Variants in SBF2 observed in about 807,000 individuals in gnomAD.
SBF2 encodes myotubularin-related protein 13.
SBF2 carries 112 observed loss-of-function variants against 225.2 expected under a neutral mutation model. The ratio of observed to expected loss-of-function variants is 0.50; its 90% CI spans 0.43 to 0.58. The LOEUF is 0.58. Among genes scored for constraint, SBF2 ranks in the 20% least tolerant of loss-of-function variants. SBF2 has a pLI of 0.00. For missense variants in SBF2, 1,996 were observed against 2,206.2 expected (o/e 0.90, Z 1.91); for synonymous variants, 763 against 773.3 (o/e 0.99, Z 0.22).
At chr11:9,811,985 C>A (rs2058698524) in intron 30 of SBF2, among the ~76,000 whole-genome samples, 2 of 151,654 alleles carry the variant, frequency 1.3e-5, no homozygotes, top group South Asian at 4.2e-4. Context: ...AATAAAAGTT[C>A]AATTAAGAAT....
chr11:10,072,757 G>T (rs7931957), intron 2 of SBF2, among the ~76,000 whole-genome samples: 1 of 145,680 alleles, frequency 6.9e-6, no homozygotes, highest in African/African-American at 2.5e-5. Flanking sequence ...TTGGAGACAG[G>T]GTCTCATTCT....
At chr11:10,010,993 T>C (rs1948429214) in intron 6 of SBF2, among the ~76,000 whole-genome samples, 1 of 152,214 alleles carries the variant, frequency 6.6e-6, no homozygotes, top group African/African-American at 2.4e-5. Flanking sequence ...TTATTCTCTT[T>C]GTAACAATTG....
chr11:10,076,213 C>T (rs1429253889), intron 2 of SBF2, among the ~76,000 whole-genome samples: 3 of 152,166 alleles, frequency 2.0e-5, no homozygotes, highest in Non-Finnish European at 2.9e-5. Flanking sequence ...CGTGACCCTA[C>T]TGAGAGCTAG....
At chr11:9,902,007 T>C (rs1479718601) in intron 16 of SBF2, among the ~76,000 whole-genome samples, 1 of 152,316 alleles carries the variant, frequency 6.6e-6, no homozygotes, top group East Asian at 1.9e-4. Flanking sequence ...ACATGATAGA[T>C]AGAAGACCCT....
In SBF2 at chr11:9,870,935, C is replaced by G. The variant is rs368032250; in HGVS notation, c.1930-12539G>C. Among the ~76,000 whole-genome samples, 473 of 149,380 alleles carry G rather than the reference C, an allele frequency of 3.2e-3. 2 individuals carry two copies. The highest frequency in any genetic ancestry group is 0.011 in the African/African-American group (453 of 40,262). On this transcript the variant is annotated intron_variant, in intron 17 of 39. Transcript: ENST00000256190. ...GTTGCAGTGAGCCGAGATCACGCCACTGCACTCCAGCCTGCCAACAGAGTG... is the reference window on the plus strand; with the variant it reads ...GTTGCAGTGAGCCGAGATCACGCCAGTGCACTCCAGCCTGCCAACAGAGTG...
intron 3 of SBF2, among the ~76,000 whole-genome samples, chr11:10,031,705 T>A (rs556659713): frequency 1.3e-5 from 2 of 152,364 alleles, no homozygotes; most frequent in East Asian, 3.9e-4. Context: ...AAATTGCTTT[T>A]GTTCATAAGC....
intron 17 of SBF2, among the ~76,000 whole-genome samples, chr11:9,877,428 G>C (rs908823587): frequency 6.6e-6 from 1 of 152,056 alleles, no homozygotes; most frequent in Non-Finnish European, 1.5e-5. Context: ...TTAAGTTCTA[G>C]GGTACATGTG....
At chr11:10,070,249 G>T (rs562365119) in intron 2 of SBF2, among the ~76,000 whole-genome samples, 49 of 152,286 alleles carry the variant, frequency 3.2e-4, no homozygotes, top group African/African-American at 1.2e-3. Flanking sequence ...TGTCGTAAAT[G>T]GTACTGCCTA....
intron 20 of SBF2, 73 bp from the exon 21 acceptor site, chr11:9,852,822 G>T: frequency 8.5e-7 from 1 of 1,170,158 alleles, no homozygotes; most frequent in Non-Finnish European, 1.3e-6. Context: ...GGATATTTTA[G>T]AATTAAAAGT....
At chr11:10,197,595 T>C (rs943617124) in intron 1 of SBF2, among the ~76,000 whole-genome samples, 2 of 152,220 alleles carry the variant, frequency 1.3e-5, no homozygotes, top group African/African-American at 4.8e-5. Context: ...CGGCAATTAT[T>C]GAAAACGAGA....
chr11:9,787,255 C>G (rs769614729), intron 36 of SBF2, among the ~76,000 whole-genome samples: 20 of 152,296 alleles, frequency 1.3e-4, no homozygotes, highest in South Asian at 6.2e-4. Context: ...CTGTGAACAA[C>G]ACAGGGTAGC....
chr11:9,956,728 G>A (rs1007314844), intron 16 of SBF2: 2 of 152,122 alleles, frequency 1.3e-5, no homozygotes, highest in African/African-American at 4.8e-5. Context: ...CTGGCCCCCT[G>A]AAGCAAACAC....
intron 16 of SBF2, among the ~76,000 whole-genome samples, chr11:9,913,858 G>C (rs1862852132): frequency 6.6e-6 from 1 of 152,102 alleles, no homozygotes; most frequent in East Asian, 1.9e-4. Flanking sequence ...AGCTCCTTTT[G>C]GTTGTTGTTG....
intron 16 of SBF2, among the ~76,000 whole-genome samples, chr11:9,905,530 T>C (rs940849410): frequency 2.0e-5 from 3 of 152,208 alleles, no homozygotes; most frequent in African/African-American, 4.8e-5. Context: ...GGAATCTCTT[T>C]ATCCCAGGAG....
At chr11:10,291,667 C>T (rs1206945984) in intron 1 of SBF2, among the ~76,000 whole-genome samples, 1 of 118,112 alleles carries the variant, frequency 8.5e-6, no homozygotes, top group Admixed American at 8.0e-5. Flanking sequence ...AACACACACA[C>T]ACACACACAC....
intron 2 of SBF2, among the ~76,000 whole-genome samples, chr11:10,186,785 A>G (rs2135306636): frequency 6.6e-6 from 1 of 152,320 alleles, no homozygotes; most frequent in South Asian, 2.1e-4. Flanking sequence ...TCAACCCAAG[A>G]GCCATCTCAC....
chr11:9,866,062 A>T lies in SBF2; in HGVS notation c.1930-7666T>A, dbSNP rs146165752. ...AAGTACTTGACACGGGTCCCAGTAA[A>T]TGTGGTAATTCTCATTGTTATCTAT... is the stretch of plus-strand genomic sequence containing the variant. On this transcript the variant is annotated intron_variant, in intron 17 of 39. Transcript: ENST00000256190. Among the ~76,000 whole-genome samples the T allele has an allele frequency of 6.7e-3, 1,016 of 152,316 alleles. 6 individuals are homozygous for T. Among genetic ancestry groups the T allele is most frequent in the Non-Finnish European group, 0.011 (760 of 68,030 alleles).
At chr11:10,236,238 G>A (rs1019537562) in intron 1 of SBF2, among the ~76,000 whole-genome samples, 1 of 152,026 alleles carries the variant, frequency 6.6e-6, no homozygotes, top group Non-Finnish European at 1.5e-5. Flanking sequence ...GATTGCTTGA[G>A]GCCAAGATTT....
chr11:10,097,732 G>A (rs1162146635), intron 2 of SBF2, among the ~76,000 whole-genome samples: 2 of 152,070 alleles, frequency 1.3e-5, no homozygotes, highest in African/African-American at 4.8e-5. Flanking sequence ...ATTGAAAAGG[G>A]TAAGAACAAT....
Sources: gnomAD v4.1 joint callset for allele counts (sites outside exome capture counted in the v4.1 genomes callset) on GRCh38, gnomAD v4.1.1 for gene constraint, MANE v1.5 for transcripts, NCBI Gene and HGNC (gene_info 2026-07-23, HGNC 2026-07-21) for gene names.